GAD1: variants seen among roughly 807,000 people sequenced by gnomAD.
The protein encoded by GAD1 is glutamate decarboxylase 1, also known as 67 kDa glutamic acid decarboxylase.
Under a neutral mutation model 75.2 loss-of-function variants are expected in GAD1, and 35 were observed. The observed-to-expected ratio is 0.47, with a 90% CI of 0.36 to 0.62. The LOEUF (loss-of-function observed/expected upper bound fraction) is 0.62. Among genes scored for constraint, GAD1 ranks in the 20% least tolerant of loss-of-function variants. The pLI is 0.00. For synonymous variants in GAD1, 257 were observed against 271.9 expected, an observed-to-expected ratio of 0.95 and a Z score of 0.54; for missense variants, 490 against 758.5, an observed-to-expected ratio of 0.65 and a Z score of 4.16.
chr2:170,850,696 A>G (rs888118603), intron 12 of GAD1, among the ~76,000 whole-genome samples: 2 of 152,214 alleles, frequency 1.3e-5, no homozygotes, highest in African/African-American at 2.4e-5. Context: ...GGCTCTGTGA[A>G]GTGGACAACC....
At chr2:170,826,017 T>C (rs1452781964) in intron 3 of GAD1, among the ~76,000 whole-genome samples, 1 of 152,172 alleles carries the variant, frequency 6.6e-6, no homozygotes, top group African/African-American at 2.4e-5. Flanking sequence ...CCAGGGCCTC[T>C]CAGAGCCAAG....
At chr2:170,815,638 G>A (rs1316902875), upstream of GAD1, among the ~76,000 whole-genome samples, 1 of 152,190 alleles carries the variant, frequency 6.6e-6, no homozygotes, top group African/African-American at 2.4e-5. Flanking sequence ...GGGAGAGGGG[G>A]AGGACCACGG....
chr2:170,849,030 C>T (rs1302545032), intron 11 of GAD1: 4 of 544,456 alleles, frequency 7.3e-6, no homozygotes, highest in Non-Finnish European at 1.3e-5. Context: ...CTTGGCAGAA[C>T]AGGCACCTCA....
At chr2:170,836,734 C>A in intron 5 of GAD1, 59 bp from the exon 6 acceptor site, 2 of 1,241,836 alleles carry the variant, frequency 1.6e-6, no homozygotes, top group Non-Finnish European at 2.4e-6. Flanking sequence ...AGGCCGTTTG[C>A]CTTCAAGATA....
At chr2:170,815,645 A>G (rs896860422), upstream of GAD1, among the ~76,000 whole-genome samples, 4 of 152,222 alleles carry the variant, frequency 2.6e-5, no homozygotes, top group African/African-American at 9.6e-5. Context: ...GGGGAGGACC[A>G]CGGTAAATAC....
rs1475414595 is a variant in GAD1, at chr2:170,845,602, T to C, written c.848T>C (p.Val283Ala). Residue 283 changes from valine (V) to alanine (A), a missense_variant, in exon 8 of 17, where the codon GTC becomes GCC. Val to Ala is a moderately conservative substitution (Grantham distance 64). Around this residue, in one of 3 missense-constraint regions of GAD1, gnomAD observed 324 missense variants for 523.9 expected, o/e 0.62. Coordinates refer to ENST00000358196, the MANE Select transcript of GAD1 (RefSeq NM_000817.3). ...GGCATGGCGGCTGTGCCTAAACTGG[T>C]CCTCTTCACCTCAGAACAGGTGAGT... Reference protein sequence around the residue: ...TKGMAAVPKLVLFTSEQSHYS... With the variant: ...TKGMAAVPKLALFTSEQSHYS... 2 of 1,614,118 alleles carry C rather than the reference T, an allele frequency of 1.2e-6. No individual in the cohort carries two copies. The highest frequency in any genetic ancestry group is 2.2e-5 in the South Asian group (2 of 91,080).
At chr2:170,824,598 A>G (rs925767683) in intron 3 of GAD1, among the ~76,000 whole-genome samples, 2 of 151,188 alleles carry the variant, frequency 1.3e-5, no homozygotes, top group East Asian at 1.9e-4. Context: ...CCAAAATTCA[A>G]CCCCCACCCA....
chr2:170,852,692 A>T, intron 12 of GAD1, 22 bp from the exon 13 acceptor site: 2 of 1,610,294 alleles, frequency 1.2e-6, no homozygotes, highest in Non-Finnish European at 1.7e-6. Flanking sequence ...CACCTTCTCG[A>T]AGTCTCATGT....
At position 170,857,142 on chromosome 2, in the gene GAD1, G is replaced by C. The variant is rs747607536; in HGVS notation, c.1521+17G>C. 6.3e-7 allele frequency: 1 copy of C among 1,583,756 alleles called. No individual in the cohort carries two copies. Among genetic ancestry groups the C allele is most frequent in the Non-Finnish European group, 8.7e-7 (1 of 1,152,680 alleles). ...AATGGCGAGGTAGGTAATCATCATG[G>C]ACCAGGTACACAGTATTTCCAGAAA... On this transcript the variant is annotated intron_variant, in intron 15 of 16. Coordinates refer to ENST00000358196, the MANE Select transcript of GAD1 (RefSeq NM_000817.3).
chr2:170,834,012 AAG>A (rs766849940), intron 5 of GAD1, among the ~76,000 whole-genome samples: 96 of 151,122 alleles, frequency 6.4e-4, no homozygotes, highest in Middle Eastern at 3.4e-3. Context: ...AAAAAAAAAA[AAG>A]AGAGAGAGAG....
In GAD1 at chr2:170,857,109, T is replaced by C. The variant is rs2105813595; in HGVS notation, c.1505T>C (p.Met502Thr). 1 of 1,613,222 alleles carries C rather than the reference T, an allele frequency of 6.2e-7. No homozygotes were observed. Among genetic ancestry groups the C allele is most frequent in the East Asian group, 2.2e-5 (1 of 44,860 alleles). The change falls in exon 15 of 17, where the codon ATG (methionine) becomes ACG (threonine). Residue 502 changes from methionine to threonine, a missense_variant. Met to Thr is a moderately conservative substitution (Grantham distance 81). This residue lies in a region of GAD1 where 324 missense variants were observed against 523.9 expected (regional missense o/e 0.62). Coordinates refer to ENST00000358196, the MANE Select transcript of GAD1 (RefSeq NM_000817.3). ...AKIKNREEFE[M>T]VFNGEPEHTN... is the part of the protein sequence containing the mutation. ...ATTAAAAACAGAGAAGAATTTGAGA[T>C]GGTTTTCAATGGCGAGGTAGGTAAT...
At chr2:170,828,804 C>CCTCCTCTTCCCTCTGCCGTCCTCACCT (rs1702134094) in intron 3 of GAD1, among the ~76,000 whole-genome samples, 1 of 144,646 alleles carries the variant, frequency 6.9e-6, no homozygotes. Context: ...TGTCCTCACC[C>CCTCCTCTTCCCTCTGCCGTCCTCACCT]CTCCTCTTCC....
At chr2:170,814,182 T>C (rs1368696013), upstream of GAD1, among the ~76,000 whole-genome samples, 2 of 152,202 alleles carry the variant, frequency 1.3e-5, no homozygotes, top group Admixed American at 6.5e-5. Context: ...CGGCCACTCT[T>C]AGTTCAAATT....
intron 5 of GAD1, among the ~76,000 whole-genome samples, chr2:170,832,018 C>A (rs919018772): frequency 5.3e-5 from 8 of 152,010 alleles, no homozygotes; most frequent in Admixed American, 3.9e-4. Context: ...CTAAAGAGAG[C>A]AGAATGACCC....
At chr2:170,843,818 G>A (rs970043101) in intron 6 of GAD1, 1 of 538,812 alleles carries the variant, frequency 1.9e-6, no homozygotes, top group Admixed American at 3.1e-5. Flanking sequence ...TGTTGGTGAA[G>A]TATCACAGGG....
intron 6 of GAD1, among the ~76,000 whole-genome samples, chr2:170,840,671 AG>A (rs1702495374): frequency 4.4e-5 from 1 of 22,658 alleles, no homozygotes; most frequent in African/African-American, 1.5e-4. Context: ...GGAGGGAGGG[AG>A]GGAGGGAGGG....
chr2:170,849,486 T>C (rs749416771), intron 12 of GAD1, 136 bp downstream of exon 12: 24 of 786,776 alleles, frequency 3.1e-5, no homozygotes, highest in Non-Finnish European at 5.3e-5. Flanking sequence ...CAGCAGGCAT[T>C]TGTTGAGCAT....
At chr2:170,857,998 T>C (rs1702887829) in intron 15 of GAD1, among the ~76,000 whole-genome samples, 1 of 152,204 alleles carries the variant, frequency 6.6e-6, no homozygotes, top group Non-Finnish European at 1.5e-5. Flanking sequence ...CATTATTCTA[T>C]TTATCAGGCA....
chr2:170,815,415 C>T (rs1381077907), upstream of GAD1, among the ~76,000 whole-genome samples: 1 of 152,220 alleles, frequency 6.6e-6, no homozygotes, highest in African/African-American at 2.4e-5. Flanking sequence ...AACCCCACAG[C>T]GAGATCCCTC....
Sources: gnomAD v4.1 joint callset for allele counts (sites outside exome capture counted in the v4.1 genomes callset) on GRCh38, gnomAD v4.1.1 for gene constraint, gnomAD v4.1.1 regional missense constraint, MANE v1.5 for transcripts, NCBI Gene and HGNC (gene_info 2026-07-23, HGNC 2026-07-21) for gene names.